The following ANKS1B variants were observed in gnomAD, a reference collection of about 807,000 sequenced individuals.
ANKS1B encodes the protein ankyrin repeat and sterile alpha motif domain-containing protein 1B.
ANKS1B carries 36 observed loss-of-function variants against 148.3 expected under a neutral mutation model. The observed-to-expected ratio is 0.24, with a 90% confidence interval of 0.19 to 0.32. The LOEUF (loss-of-function observed/expected upper bound fraction) is 0.32, where lower values mean the gene tolerates loss of function less well. ANKS1B is among the 10% of genes least tolerant of loss of function. The pLI is 1.00. For synonymous variants in ANKS1B, 542 were observed against 560.8 expected, an observed-to-expected ratio of 0.97 and a Z score of 0.47; for missense variants, 1,157 against 1,542.6, an observed-to-expected ratio of 0.75 and a Z score of 4.19.
intron 8 of ANKS1B, among the ~76,000 whole-genome samples, chr12:99,683,248 GA>G (rs2098631515): frequency 6.6e-6 from 1 of 151,954 alleles, no homozygotes; most frequent in Non-Finnish European, 1.5e-5. Flanking sequence ...GATTAACCAA[GA>G]AAAGAGAGAA....
At chr12:99,054,247 C>T (rs1478537276) in intron 16 of ANKS1B, among the ~76,000 whole-genome samples, 2 of 152,096 alleles carry the variant, frequency 1.3e-5, no homozygotes, top group African/African-American at 2.4e-5. Flanking sequence ...GTAAAATTCA[C>T]GATGGAAACA....
intron 9 of ANKS1B, among the ~76,000 whole-genome samples, chr12:99,566,083 A>T: frequency 6.6e-6 from 1 of 152,152 alleles, no homozygotes; most frequent in South Asian, 2.1e-4. Flanking sequence ...CATACTTTTG[A>T]GTATGGCTAT....
intron 14 of ANKS1B, among the ~76,000 whole-genome samples, chr12:99,160,672 G>A (rs2076570765): frequency 6.6e-6 from 1 of 151,972 alleles, no homozygotes; most frequent in Admixed American, 6.6e-5. Flanking sequence ...TATAGTTTGA[G>A]GTCTTACTTT....
chr12:99,166,581 CA>C (rs1179376034), intron 14 of ANKS1B, among the ~76,000 whole-genome samples: 1 of 151,810 alleles, frequency 6.6e-6, no homozygotes, highest in Non-Finnish European at 1.5e-5. Context: ...GTGTCAAGAC[CA>C]ATTAAATATT....
chr12:99,101,214 G>A (rs926589694), intron 15 of ANKS1B, among the ~76,000 whole-genome samples: 4 of 152,146 alleles, frequency 2.6e-5, no homozygotes, highest in Non-Finnish European at 5.9e-5. Flanking sequence ...TTTATGCCTG[G>A]AAGGGAGATG....
chr12:99,750,423 T>C (rs1006183922), intron 8 of ANKS1B, among the ~76,000 whole-genome samples: 4 of 152,080 alleles, frequency 2.6e-5, no homozygotes, highest in Non-Finnish European at 5.9e-5. Flanking sequence ...CTACTACCTA[T>C]AACTATAGGA....
chr12:99,441,314 G>T (rs1028822524), intron 11 of ANKS1B, among the ~76,000 whole-genome samples: 1 of 151,820 alleles, frequency 6.6e-6, no homozygotes, highest in Admixed American at 6.6e-5. Flanking sequence ...CACAGCAGGA[G>T]TCTCCTGTTC....
intron 17 of ANKS1B, among the ~76,000 whole-genome samples, chr12:98,996,108 G>A (rs1305609827): frequency 1.3e-5 from 2 of 152,092 alleles, no homozygotes; most frequent in African/African-American, 4.8e-5. Context: ...AGAATATTCA[G>A]AAGAATTTTG....
chr12:99,931,624 G>A (rs1377138265), intron 1 of ANKS1B, among the ~76,000 whole-genome samples: 1 of 152,022 alleles, frequency 6.6e-6, no homozygotes, highest in Non-Finnish European at 1.5e-5. Context: ...ATCAATGAAA[G>A]GTTTGTGGAA....
chr12:99,830,395 T>C (rs774924227), intron 1 of ANKS1B, among the ~76,000 whole-genome samples: 2 of 152,094 alleles, frequency 1.3e-5, no homozygotes, highest in Non-Finnish European at 2.9e-5. Flanking sequence ...AAAATCTCTA[T>C]GGAATATTTT....
At chr12:98,831,868 G>C (rs985092565) in intron 18 of ANKS1B, 161 bp downstream of exon 18, 6 of 666,922 alleles carry the variant, frequency 9.0e-6, no homozygotes, top group Non-Finnish European at 1.6e-5. Context: ...TCATGTCTCA[G>C]CCTCCGGAGT....
chr12:99,778,782 G>C (rs556968990), intron 6 of ANKS1B, among the ~76,000 whole-genome samples: 3 of 152,280 alleles, frequency 2.0e-5, no homozygotes, highest in Admixed American at 1.3e-4. Flanking sequence ...ATAGAGAAGA[G>C]AGCATAATGG....
intron 1 of ANKS1B, among the ~76,000 whole-genome samples, chr12:99,946,479 C>T (rs60548534): frequency 0.059 from 9,050 of 152,180 alleles, 362 homozygotes; most frequent in Admixed American, 0.1. Context: ...GGTGTCTCTT[C>T]CTATAAAAGC....
chr12:99,422,138 A>C (rs1352483688), intron 11 of ANKS1B, among the ~76,000 whole-genome samples: 1 of 152,206 alleles, frequency 6.6e-6, no homozygotes, highest in East Asian at 1.9e-4. Context: ...CAATGCAAGA[A>C]TGTCCTAACA....
chr12:99,154,291 T>C lies in ANKS1B; in HGVS notation c.2524A>G (p.Met842Val). 2 of 1,613,602 alleles carry C rather than the reference T, an allele frequency of 1.2e-6. No individual in the cohort carries two copies. The highest frequency in any genetic ancestry group is 1.1e-5 in the South Asian group (1 of 91,078). The change falls in exon 15 of 27, where the codon ATG (methionine) becomes GTG (valine). Residue 842 changes from methionine (M) to valine (V), a missense_variant and splice_region_variant. Around this residue, in one of 6 missense-constraint regions of ANKS1B, gnomAD observed 258 missense variants for 497.0 expected, o/e 0.52. Transcript: ENST00000683438. ...MANGFDNVQFMGSNVMEDQDL... is the reference protein window; with the variant it reads ...MANGFDNVQFVGSNVMEDQDL... ...CGTGGACACAGAGAGCTTCTTACCA[T>C]AAACTGCACATTGTCAAATCCATTA...
intron 8 of ANKS1B, among the ~76,000 whole-genome samples, chr12:99,755,594 C>CAA (rs369571107): frequency 7.3e-5 from 9 of 123,246 alleles, no homozygotes; most frequent in Non-Finnish European, 1.2e-4. Context: ...CAAAAATCCT[C>CAA]AAAAAAAAAA....
At chr12:98,939,762 T>C (rs528728001) in intron 17 of ANKS1B, among the ~76,000 whole-genome samples, 28 of 152,346 alleles carry the variant, frequency 1.8e-4, no homozygotes, top group African/African-American at 6.5e-4. Flanking sequence ...GGAACACTTT[T>C]AAAGAAAATG....
chr12:98,970,821 A>G (rs1004393398), intron 17 of ANKS1B, among the ~76,000 whole-genome samples: 6 of 152,346 alleles, frequency 3.9e-5, no homozygotes, highest in Middle Eastern at 3.4e-3. Flanking sequence ...ATGCTGTGAC[A>G]AATGGCACAG....
In ANKS1B at chr12:99,793,278, G is replaced by A. The variant is rs534686836; in HGVS notation, c.670-11181C>T. On this transcript the variant is annotated intron_variant, in intron 4 of 26. Transcript: ENST00000683438. ...TCCATACTAACCAAAGCAATCTACAGATTCAATGCAATACCTATCAACATA... is the reference window on the plus strand; with the variant it reads ...TCCATACTAACCAAAGCAATCTACAAATTCAATGCAATACCTATCAACATA... 1.6e-4 allele frequency among the ~76,000 whole-genome samples: 24 copies of A among 152,124 alleles called. No homozygotes were observed. The South Asian group carries it at 3.5e-3, about 22-fold the overall frequency.
Sources: allele counts gnomAD v4.1 joint callset (sites outside exome capture counted in the v4.1 genomes callset), GRCh38; gene constraint gnomAD v4.1.1; regional missense constraint gnomAD v4.1.1; transcripts MANE v1.5; gene names NCBI Gene and HGNC (gene_info 2026-07-23, HGNC 2026-07-21).